Variants in CCDC192 observed in about 807,000 individuals in gnomAD.
CCDC192 encodes coiled-coil domain-containing protein 192.
At chr5:127,772,761 T>C (rs1755637269) in intron 3 of CCDC192, among the ~76,000 whole-genome samples, 1 of 152,192 alleles carries the variant, frequency 6.6e-6, no homozygotes, top group African/African-American at 2.4e-5. Flanking sequence ...TCATGATTCA[T>C]GTCTCAGGGC....
intron 2 of CCDC192, among the ~76,000 whole-genome samples, chr5:127,732,573 G>A (rs1410978071): frequency 6.6e-6 from 1 of 152,154 alleles, no homozygotes. Flanking sequence ...ATTCACAATA[G>A]CAAAGACATG....
At chr5:127,848,743 A>C (rs1212061204) in intron 5 of CCDC192, among the ~76,000 whole-genome samples, 1 of 152,250 alleles carries the variant, frequency 6.6e-6, no homozygotes, top group Non-Finnish European at 1.5e-5. Flanking sequence ...TGGCATGCAG[A>C]AAGTACTGAA....
At chr5:127,743,652 A>T (rs986062302) in intron 2 of CCDC192, among the ~76,000 whole-genome samples, 1 of 152,196 alleles carries the variant, frequency 6.6e-6, no homozygotes, top group Admixed American at 6.5e-5. Context: ...TAGTTTGTTC[A>T]CATTTCTAAT....
intron 2 of CCDC192, among the ~76,000 whole-genome samples, chr5:127,753,114 T>A (rs1253922573): frequency 1.3e-5 from 2 of 152,192 alleles, no homozygotes; most frequent in Non-Finnish European, 2.9e-5. Context: ...GAGCTGTTCC[T>A]ATTCGGCCAT....
chr5:127,814,121 T>A (rs1758228698), intron 5 of CCDC192, among the ~76,000 whole-genome samples: 1 of 152,080 alleles, frequency 6.6e-6, no homozygotes, highest in Non-Finnish European at 1.5e-5. Context: ...GGAGGAGGTT[T>A]GGAGGGTCAA....
intron 5 of CCDC192, among the ~76,000 whole-genome samples, chr5:127,844,466 C>T (rs981868832): frequency 5.9e-5 from 9 of 152,124 alleles, no homozygotes; most frequent in African/African-American, 2.2e-4. Context: ...AGAATAGAGC[C>T]CGAGTTCTAG....
intron 6 of CCDC192, among the ~76,000 whole-genome samples, chr5:127,923,628 C>T (rs1461057117): frequency 3.3e-5 from 5 of 152,276 alleles, no homozygotes; most frequent in Middle Eastern, 3.4e-3. Flanking sequence ...CTGCCCACCT[C>T]GGCCTTCCAA....
At chr5:127,769,361 C>A (rs79710436) in intron 3 of CCDC192, among the ~76,000 whole-genome samples, 6,671 of 151,902 alleles carry the variant, frequency 0.044, 493 homozygotes, top group African/African-American at 0.15. Flanking sequence ...TTCTGATTTG[C>A]CTGGTATACA....
At chr5:127,767,927 T>C (rs1755322779) in intron 3 of CCDC192, among the ~76,000 whole-genome samples, 1 of 152,178 alleles carries the variant, frequency 6.6e-6, no homozygotes, top group Non-Finnish European at 1.5e-5. Context: ...CATGACTTTA[T>C]CTTTTAAAAG....
intron 6 of CCDC192, among the ~76,000 whole-genome samples, chr5:127,906,679 G>C (rs1753203194): frequency 6.6e-6 from 1 of 152,044 alleles, no homozygotes; most frequent in Non-Finnish European, 1.5e-5. Context: ...CCAGCTACTT[G>C]GGAGGCTGAG....
At chr5:127,922,324 A>G in intron 6 of CCDC192, among the ~76,000 whole-genome samples, 1 of 152,262 alleles carries the variant, frequency 6.6e-6, no homozygotes, top group East Asian at 1.9e-4. Context: ...GAGACTTGTA[A>G]TAATGGGGAG....
intron 2 of CCDC192, among the ~76,000 whole-genome samples, chr5:127,712,439 T>G (rs977390763): frequency 6.6e-6 from 1 of 152,192 alleles, no homozygotes; most frequent in African/African-American, 2.4e-5. Flanking sequence ...TGTTGTCTCC[T>G]TGCTTCTTCT....
intron 3 of CCDC192, among the ~76,000 whole-genome samples, chr5:127,770,202 A>C (rs1755469553): frequency 1.3e-5 from 2 of 152,200 alleles, no homozygotes; most frequent in Non-Finnish European, 2.9e-5. Context: ...CTCCCACCTC[A>C]GCCTCCCAGG....
intron 3 of CCDC192, among the ~76,000 whole-genome samples, chr5:127,775,312 A>G (rs1755793491): frequency 6.6e-6 from 1 of 152,212 alleles, no homozygotes; most frequent in Non-Finnish European, 1.5e-5. Flanking sequence ...TTCTGGTACC[A>G]CACAACTAGG....
At chr5:127,895,258 T>A (rs1752847603) in intron 6 of CCDC192, among the ~76,000 whole-genome samples, 1 of 152,094 alleles carries the variant, frequency 6.6e-6, no homozygotes, top group South Asian at 2.1e-4. Context: ...AGTTGCCCCA[T>A]CTCCTATTAC....
intron 5 of CCDC192, among the ~76,000 whole-genome samples, chr5:127,799,017 A>G (rs1757331267): frequency 1.3e-5 from 2 of 152,086 alleles, no homozygotes; most frequent in Admixed American, 1.3e-4. Context: ...TGCCTTAGAC[A>G]TCTCCTCAAA....
chr5:127,707,312 TAGAGAG>T (rs72043498), intron 1 of CCDC192, among the ~76,000 whole-genome samples: 2 of 151,522 alleles, frequency 1.3e-5, no homozygotes, highest in African/African-American at 4.9e-5. Flanking sequence ...ATCCAGGAGA[TAGAGAG>T]AGAAGAGAGA....
At chr5:127,878,325 G>A (rs917149399) in intron 6 of CCDC192, among the ~76,000 whole-genome samples, 4 of 152,198 alleles carry the variant, frequency 2.6e-5, no homozygotes, top group African/African-American at 9.7e-5. Context: ...AGGAAATAAG[G>A]TTGAACAAAC....
intron 5 of CCDC192, among the ~76,000 whole-genome samples, chr5:127,807,914 T>C (rs1383137246): frequency 6.6e-6 from 1 of 152,168 alleles, no homozygotes; most frequent in Non-Finnish European, 1.5e-5. Context: ...CTAGAGCTAC[T>C]TTATTGAATG....
Sources: allele counts gnomAD v4.1 joint callset (sites outside exome capture counted in the v4.1 genomes callset), GRCh38; gene constraint gnomAD v4.1.1; transcripts MANE v1.5; gene names NCBI Gene and HGNC (gene_info 2026-07-23, HGNC 2026-07-21).